The following GPC5 variants were observed in gnomAD, a reference collection of about 807,000 sequenced individuals.
GPC5 encodes glypican-5.
GPC5 carries 47 observed loss-of-function variants against 53.9 expected under a neutral mutation model. The ratio of observed to expected loss-of-function variants is 0.87; its 90% CI spans 0.69 to 1.11. The LOEUF (loss-of-function observed/expected upper bound fraction) is 1.11. Among genes scored for constraint, GPC5 ranks in the 50% most tolerant of loss-of-function variants. GPC5 has a pLI of 0.00. For missense variants in GPC5, 748 were observed against 713.1 expected, an observed-to-expected ratio of 1.05 and a Z score of -0.56; for synonymous variants, 286 against 263.3, an observed-to-expected ratio of 1.09 and a Z score of -0.84.
intron 7 of GPC5, among the ~76,000 whole-genome samples, chr13:92,200,873 G>A (rs1382077017): frequency 3.9e-5 from 6 of 152,150 alleles, no homozygotes; most frequent in East Asian, 1.9e-4. Context: ...CCTCAGGGTC[G>A]GAGTATGAGA....
At chr13:92,671,144 C>G (rs756169744) in intron 7 of GPC5, among the ~76,000 whole-genome samples, 17 of 148,708 alleles carry the variant, frequency 1.1e-4, no homozygotes, top group Admixed American at 2.0e-4. Flanking sequence ...TCAGAGCTTC[C>G]CTAGTCACTA....
At chr13:92,777,049 A>C (rs1028100480) in intron 7 of GPC5, among the ~76,000 whole-genome samples, 3 of 140,606 alleles carry the variant, frequency 2.1e-5, no homozygotes, top group African/African-American at 7.9e-5. Flanking sequence ...AAAAAAAAAA[A>C]GGCTGGGTGT....
chr13:92,138,322 C>A (rs1182168347), intron 6 of GPC5, among the ~76,000 whole-genome samples: 1 of 151,854 alleles, frequency 6.6e-6, no homozygotes, highest in Non-Finnish European at 1.5e-5. Context: ...AGATCGAAAT[C>A]ATCCTGGCAA....
chr13:91,483,139 A>G (rs1190855422), intron 2 of GPC5, among the ~76,000 whole-genome samples: 2 of 152,118 alleles, frequency 1.3e-5, no homozygotes, highest in Admixed American at 1.3e-4. Flanking sequence ...TTTGAAAAAA[A>G]CAGTCATCTA....
intron 6 of GPC5, among the ~76,000 whole-genome samples, chr13:91,944,429 G>A (rs771678470): frequency 2.6e-5 from 4 of 152,054 alleles, no homozygotes; most frequent in Non-Finnish European, 4.4e-5. Flanking sequence ...TTGCCTTTGT[G>A]CCATTTAATG....
intron 7 of GPC5, among the ~76,000 whole-genome samples, chr13:92,152,779 G>C (rs1482843279): frequency 2.0e-5 from 3 of 150,672 alleles, no homozygotes; most frequent in Non-Finnish European, 4.4e-5. Flanking sequence ...ACAGGCAGAG[G>C]CACAGATAGT....
At chr13:91,505,117 C>T (rs1017523850) in intron 2 of GPC5, among the ~76,000 whole-genome samples, 7 of 152,058 alleles carry the variant, frequency 4.6e-5, no homozygotes, top group South Asian at 2.1e-4. Context: ...AGTTTTAAGG[C>T]GCGTATTTTT....
intron 6 of GPC5, among the ~76,000 whole-genome samples, chr13:92,138,699 A>G (rs2041805589): frequency 1.3e-5 from 2 of 152,116 alleles, no homozygotes; most frequent in Non-Finnish European, 2.9e-5. Flanking sequence ...AACTATGTCT[A>G]TTTCTTGAAA....
At chr13:92,368,673 A>G (rs2043626210) in intron 7 of GPC5, among the ~76,000 whole-genome samples, 1 of 151,632 alleles carries the variant, frequency 6.6e-6, no homozygotes, top group African/African-American at 2.4e-5. Flanking sequence ...TGAAAGTTAA[A>G]ATGTGGAAAT....
intron 3 of GPC5, among the ~76,000 whole-genome samples, chr13:91,716,690 T>C (rs1025900792): frequency 6.6e-6 from 1 of 152,190 alleles, no homozygotes; most frequent in African/African-American, 2.4e-5. Flanking sequence ...CACTGTGCAA[T>C]ATATGACACA....
chr13:92,007,535 A>G (rs2040618381), intron 6 of GPC5, among the ~76,000 whole-genome samples: 1 of 152,184 alleles, frequency 6.6e-6, no homozygotes, highest in East Asian at 1.9e-4. Context: ...GAGCTACTCC[A>G]GCATCCTTAT....
chr13:92,616,671 A>G (rs1452621272), intron 7 of GPC5, among the ~76,000 whole-genome samples: 3 of 152,202 alleles, frequency 2.0e-5, no homozygotes, highest in Non-Finnish European at 4.4e-5. Context: ...AAGGATTACA[A>G]TATTTTATTG....
At chr13:91,918,299 TTA>T (rs1266514288) in intron 6 of GPC5, among the ~76,000 whole-genome samples, 25 of 152,286 alleles carry the variant, frequency 1.6e-4, no homozygotes, top group African/African-American at 6.0e-4. Flanking sequence ...ATTATAGAGA[TTA>T]TAATTCAAGA....
chr13:92,808,353 T>C (rs1168580305), intron 7 of GPC5, among the ~76,000 whole-genome samples: 1 of 152,126 alleles, frequency 6.6e-6, no homozygotes, highest in Non-Finnish European at 1.5e-5. Flanking sequence ...CTTTAGTTTC[T>C]TTATTTAGAA....
chr13:92,680,506 A>AAT, intron 7 of GPC5, among the ~76,000 whole-genome samples: 1 of 152,226 alleles, frequency 6.6e-6, no homozygotes, highest in South Asian at 2.1e-4. Context: ...AACATGTAAT[A>AAT]AGATGAATAA....
chr13:91,576,634 C>T (rs370405269), intron 2 of GPC5, among the ~76,000 whole-genome samples: 71 of 152,244 alleles, frequency 4.7e-4, no homozygotes, highest in African/African-American at 1.6e-3. Context: ...ATCAGGACCA[C>T]GCTGCCCCTC....
At chr13:92,319,625 A>G (rs938290335) in intron 7 of GPC5, among the ~76,000 whole-genome samples, 5 of 152,140 alleles carry the variant, frequency 3.3e-5, no homozygotes, top group African/African-American at 7.2e-5. Context: ...GTAGCATTTT[A>G]TGATTACTCT....
intron 7 of GPC5, among the ~76,000 whole-genome samples, chr13:92,211,260 A>G (rs1593999403): frequency 6.6e-6 from 1 of 152,320 alleles, no homozygotes; most frequent in Non-Finnish European, 1.5e-5. Flanking sequence ...CTTAAGGCAA[A>G]CAAGCACAAT....
chr13:92,789,631 G>A (rs1476356644), intron 7 of GPC5, among the ~76,000 whole-genome samples: 2 of 152,022 alleles, frequency 1.3e-5, no homozygotes, highest in African/African-American at 4.8e-5. Flanking sequence ...TAGGTAATTT[G>A]CTCAAGCTCA....
Sources: allele counts gnomAD v4.1 joint callset (sites outside exome capture counted in the v4.1 genomes callset), GRCh38; gene constraint gnomAD v4.1.1; transcripts MANE v1.5; gene names NCBI Gene and HGNC (gene_info 2026-07-23, HGNC 2026-07-21).